The following LINGO2 variants were observed in gnomAD, a reference collection of about 807,000 sequenced individuals.
LINGO2 encodes leucine-rich repeat and immunoglobulin-like domain-containing nogo receptor-interacting protein 2.
A neutral mutation model predicts 30.6 loss-of-function variants in LINGO2; 14 were observed. The ratio of observed to expected loss-of-function variants is 0.46; its 90% CI spans 0.30 to 0.72. LINGO2 has a LOEUF of 0.72. LINGO2 is among the 30% of genes least tolerant of loss of function. LINGO2 has a pLI of 0.07. For synonymous variants in LINGO2, 317 were observed against 288.5 expected, an observed-to-expected ratio of 1.10 and a Z score of -1.00; for missense variants, 729 against 751.7, an observed-to-expected ratio of 0.97 and a Z score of 0.35.
the LINGO2 span, among the ~76,000 whole-genome samples, chr9:28,896,823 C>T: frequency 6.6e-6 from 1 of 151,964 alleles, no homozygotes; most frequent in Non-Finnish European, 1.5e-5. Context: ...TTATGTTGCC[C>T]TATCTCTTAC....
chr9:28,191,983 T>G (rs1196119458), intron 4 of LINGO2, among the ~76,000 whole-genome samples: 2 of 152,080 alleles, frequency 1.3e-5, no homozygotes, highest in African/African-American at 2.4e-5. Flanking sequence ...CCCAGATGTT[T>G]ATATCCGTCC....
At chr9:29,150,983 A>T in the LINGO2 span, among the ~76,000 whole-genome samples, 1 of 152,110 alleles carries the variant, frequency 6.6e-6, no homozygotes, top group Non-Finnish European at 1.5e-5. Context: ...CAAACAAAAA[A>T]AATATATATA....
At chr9:29,052,442 A>G in the LINGO2 span, among the ~76,000 whole-genome samples, 1 of 152,212 alleles carries the variant, frequency 6.6e-6, no homozygotes. Context: ...CTCCAAGGGC[A>G]GGAGAGTAGT....
At chr9:28,842,334 G>C in the LINGO2 span, among the ~76,000 whole-genome samples, 1 of 151,814 alleles carries the variant, frequency 6.6e-6, no homozygotes, top group African/African-American at 2.4e-5. Flanking sequence ...GCTCAGAAAT[G>C]TAAGTTTGTA....
intron 1 of LINGO2, among the ~76,000 whole-genome samples, chr9:28,500,206 G>A: frequency 6.6e-6 from 1 of 152,166 alleles, no homozygotes; most frequent in East Asian, 1.9e-4. Context: ...AAGAGGCAGA[G>A]CTGTGCCTCT....
the LINGO2 span, among the ~76,000 whole-genome samples, chr9:28,865,287 CAGAATAATG>C: frequency 6.6e-6 from 1 of 152,016 alleles, no homozygotes; most frequent in Non-Finnish European, 1.5e-5. Flanking sequence ...AAGAGAACTC[CAGAATAATG>C]AGGCAACCTG....
At chr9:28,867,704 G>A in the LINGO2 span, among the ~76,000 whole-genome samples, 1 of 152,012 alleles carries the variant, frequency 6.6e-6, no homozygotes, top group African/African-American at 2.4e-5. Context: ...GGCAGTTGAG[G>A]CACACAAAAA....
chr9:28,222,446 C>A (rs1450721371), intron 4 of LINGO2, among the ~76,000 whole-genome samples: 5 of 151,906 alleles, frequency 3.3e-5, no homozygotes, highest in Admixed American at 6.6e-5. Context: ...CTACAAAAAA[C>A]CCATTGGCAT....
the LINGO2 span, among the ~76,000 whole-genome samples, chr9:29,067,934 T>A: frequency 6.6e-6 from 1 of 151,756 alleles, no homozygotes; most frequent in Non-Finnish European, 1.5e-5. Context: ...CTTTAAAAAC[T>A]AGTTTTAGAA....
chr9:28,657,539 A>C (rs1828403807), intron 1 of LINGO2, among the ~76,000 whole-genome samples: 2 of 151,378 alleles, frequency 1.3e-5, no homozygotes, highest in Admixed American at 1.3e-4. Context: ...ATTTGTTGGC[A>C]TACAATTGCT....
chr9:28,240,881 A>G (rs1821759744), intron 4 of LINGO2, among the ~76,000 whole-genome samples: 1 of 152,222 alleles, frequency 6.6e-6, no homozygotes, highest in Admixed American at 6.5e-5. Flanking sequence ...CAAGAAAGTG[A>G]AGAGACAAAT....
rs1366919647 is a variant in LINGO2 at position 28,538,257 on chromosome 9, T to C, written c.-364-62232A>G. On this transcript the variant is annotated intron_variant, in intron 1 of 5. Transcript: ENST00000379992. ...AACAATATAAAATAAAATAGGAATA[T>C]AAAATAAATTAGTAAATGTATTGTC... Among the ~76,000 whole-genome samples the C allele has an allele frequency of 2.0e-5, 3 of 152,048 alleles. No homozygotes were observed. In the South Asian group the frequency reaches 6.2e-4, roughly 32 times the overall value.
chr9:28,243,812 C>T (rs1357189111), intron 4 of LINGO2, among the ~76,000 whole-genome samples: 1 of 152,012 alleles, frequency 6.6e-6, no homozygotes, highest in African/African-American at 2.4e-5. Flanking sequence ...ACAAGAGCAC[C>T]CAGATTCATA....
the LINGO2 span, among the ~76,000 whole-genome samples, chr9:28,817,247 AG>A: frequency 6.8e-6 from 1 of 146,714 alleles, no homozygotes; most frequent in Admixed American, 6.9e-5. Context: ...TAAAAAAAAA[AG>A]GGGGATAGGT....
chr9:27,962,346 T>A (rs1819889049), intron 5 of LINGO2, among the ~76,000 whole-genome samples: 1 of 152,150 alleles, frequency 6.6e-6, no homozygotes, highest in African/African-American at 2.4e-5. Context: ...ATTTATTGTT[T>A]AGATTCCTTA....
chr9:29,055,936 G>GTATATATATAATATATATACATATA, the LINGO2 span, among the ~76,000 whole-genome samples: 1 of 121,862 alleles, frequency 8.2e-6, no homozygotes, highest in African/African-American at 3.2e-5. Context: ...GTGTATGTGT[G>GTATATATATAATATATATACATATA]TGTGTATATA....
the LINGO2 span, among the ~76,000 whole-genome samples, chr9:29,186,223 C>A: frequency 1.3e-5 from 2 of 152,102 alleles, no homozygotes; most frequent in Non-Finnish European, 2.9e-5. Flanking sequence ...TCAATTATTA[C>A]TATTTTTAAC....
At chr9:28,495,742 T>C (rs1465922345) in intron 1 of LINGO2, among the ~76,000 whole-genome samples, 2 of 152,218 alleles carry the variant, frequency 1.3e-5, no homozygotes, top group Non-Finnish European at 2.9e-5. Flanking sequence ...TTCTTTTAAT[T>C]GCGATGTTAG....
the LINGO2 span, among the ~76,000 whole-genome samples, chr9:29,084,664 T>A: frequency 6.6e-6 from 1 of 151,922 alleles, no homozygotes; most frequent in South Asian, 2.1e-4. Context: ...TAAGCATCCA[T>A]CTCTCTTAGA....
Sources: gnomAD v4.1 joint callset for allele counts (sites outside exome capture counted in the v4.1 genomes callset) on GRCh38, gnomAD v4.1.1 for gene constraint, MANE v1.5 for transcripts, NCBI Gene and HGNC (gene_info 2026-07-23, HGNC 2026-07-21) for gene names.